The following GRIP1 variants were observed in gnomAD, a reference collection of about 807,000 sequenced individuals.
GRIP1 encodes the protein glutamate receptor-interacting protein 1.
GRIP1 carries 45 observed loss-of-function variants against 129.9 expected under a neutral mutation model. That is an observed-to-expected ratio of 0.35 (90% CI 0.27 to 0.44). GRIP1 has a LOEUF of 0.44. GRIP1 is among the 20% of genes least tolerant of loss of function. The probability of loss-of-function intolerance (pLI) is 1.00; values close to 1 mark genes in which losing one functional copy is unlikely to be tolerated. For missense variants in GRIP1, 1,196 were observed against 1,396.8 expected (o/e 0.86, Z 2.29); for synonymous variants, 530 against 520.8 (o/e 1.02, Z -0.24).
At position 66,571,730 on chromosome 12, in the gene GRIP1, C is replaced by T. The variant is rs139354187; in HGVS notation, c.136+25117G>A. On this transcript the variant is annotated intron_variant, in intron 2 of 24. Transcript: ENST00000359742. Reference sequence around the variant, plus strand: ...AATAGAAAAGTGCAGAAGCAATTAACACCTTAATACTCTACTGGGAAATTG... The same window carrying T: ...AATAGAAAAGTGCAGAAGCAATTAATACCTTAATACTCTACTGGGAAATTG... 1.1e-4 allele frequency among the ~76,000 whole-genome samples: 17 copies of T among 152,300 alleles called. No individual in the cohort carries two copies. The East Asian group carries it at 2.3e-3, about 21-fold the overall frequency.
chr12:66,421,265 C>T (rs1032693008), intron 14 of GRIP1, among the ~76,000 whole-genome samples: 5 of 151,886 alleles, frequency 3.3e-5, no homozygotes, highest in Non-Finnish European at 5.9e-5. Context: ...TTTTTTTGGC[C>T]AGGCACAGTG....
chr12:66,574,787 C>CTT (rs34596150), intron 2 of GRIP1, among the ~76,000 whole-genome samples: 1 of 110,558 alleles, frequency 9.0e-6, no homozygotes, highest in Admixed American at 9.5e-5. Context: ...TCCCACTTTT[C>CTT]TTTTTTTTTT....
chr12:66,664,371 C>T (rs2033677590), intron 1 of GRIP1, among the ~76,000 whole-genome samples: 1 of 152,156 alleles, frequency 6.6e-6, no homozygotes, highest in African/African-American at 2.4e-5. Context: ...TTTTGCCACA[C>T]CATAATTATA....
chr12:66,939,971 T>C (rs1290429154), intron 1 of GRIP1, among the ~76,000 whole-genome samples: 2 of 152,232 alleles, frequency 1.3e-5, no homozygotes, highest in Non-Finnish European at 2.9e-5. Flanking sequence ...GTTTTCTTGA[T>C]ATCTTTCAAA....
intron 1 of GRIP1, among the ~76,000 whole-genome samples, chr12:66,981,760 AG>A (rs1219851303): frequency 6.6e-6 from 1 of 152,246 alleles, no homozygotes; most frequent in Admixed American, 6.5e-5. Context: ...CAATTGGTGT[AG>A]GTATTCCAAC....
chr12:66,616,976 A>T (rs1271440880), intron 1 of GRIP1, among the ~76,000 whole-genome samples: 2 of 152,040 alleles, frequency 1.3e-5, no homozygotes, highest in Non-Finnish European at 2.9e-5. Flanking sequence ...GGGCGTGCAG[A>T]TGCATGCTCT....
chr12:66,465,449 A>C (rs1204230414), intron 7 of GRIP1, 27 bp from the exon 8 acceptor site: 1 of 1,542,928 alleles, frequency 6.5e-7, no homozygotes, highest in Non-Finnish European at 9.0e-7. Flanking sequence ...TTTAGAAAAC[A>C]AAACAAATAA....
chr12:67,003,153 A>G (rs1267501252), intron 1 of GRIP1, among the ~76,000 whole-genome samples: 1 of 152,182 alleles, frequency 6.6e-6, no homozygotes, highest in Non-Finnish European at 1.5e-5. Context: ...AGTAATTTAT[A>G]TTAATGTATC....
At chr12:66,663,590 T>C (rs1369670639) in intron 1 of GRIP1, among the ~76,000 whole-genome samples, 1 of 152,050 alleles carries the variant, frequency 6.6e-6, no homozygotes, top group Admixed American at 6.6e-5. Flanking sequence ...GTGGGGTGGG[T>C]GAAGGAGTCC....
At chr12:66,770,592 G>C (rs1336525179) in intron 1 of GRIP1, among the ~76,000 whole-genome samples, 2 of 152,104 alleles carry the variant, frequency 1.3e-5, no homozygotes, top group African/African-American at 4.8e-5. Flanking sequence ...AATGTTAGAG[G>C]CCCGTAAAGT....
intron 1 of GRIP1, among the ~76,000 whole-genome samples, chr12:66,691,574 G>C (rs11176382): frequency 6.6e-6 from 1 of 151,888 alleles, no homozygotes; most frequent in Non-Finnish European, 1.5e-5. Context: ...CCTGGAATTC[G>C]ACAATGCTCC....
intron 1 of GRIP1, among the ~76,000 whole-genome samples, chr12:66,950,360 A>G (rs762078918): frequency 1.3e-5 from 2 of 152,226 alleles, no homozygotes; most frequent in Non-Finnish European, 2.9e-5. Flanking sequence ...TATATTCTAA[A>G]TAAGTATTCT....
intron 2 of GRIP1, among the ~76,000 whole-genome samples, chr12:66,586,688 T>G (rs760705383): frequency 1.3e-5 from 2 of 152,206 alleles, no homozygotes; most frequent in Non-Finnish European, 2.9e-5. Context: ...CCTGGAATTA[T>G]CCCAGACTTC....
intron 1 of GRIP1, among the ~76,000 whole-genome samples, chr12:67,023,139 T>A (rs560270914): frequency 1.3e-5 from 2 of 152,314 alleles, no homozygotes; most frequent in South Asian, 2.1e-4. Flanking sequence ...GTTGAGAAAG[T>A]CTAATTCATT....
chr12:66,952,333 T>C (rs1377382175), intron 1 of GRIP1, among the ~76,000 whole-genome samples: 1 of 152,148 alleles, frequency 6.6e-6, no homozygotes, highest in Non-Finnish European at 1.5e-5. Context: ...AAAGTATTCT[T>C]TGGATCTTAT....
intron 1 of GRIP1, among the ~76,000 whole-genome samples, chr12:66,759,386 G>C (rs756262259): frequency 6.6e-6 from 1 of 152,078 alleles, no homozygotes; most frequent in African/African-American, 2.4e-5. Context: ...CTTTTTCCTC[G>C]TGGGCCTCTG....
At chr12:66,567,727 A>G in intron 2 of GRIP1, 1 of 219,698 alleles carries the variant, frequency 4.6e-6, no homozygotes, top group East Asian at 1.1e-4. Flanking sequence ...CCTTCAGTTG[A>G]GCAGAAGGCT....
intron 1 of GRIP1, among the ~76,000 whole-genome samples, chr12:66,713,121 T>C (rs546035896): frequency 9.9e-5 from 15 of 152,146 alleles, no homozygotes; most frequent in Non-Finnish European, 1.8e-4. Context: ...TAAAATAACC[T>C]AATATCCTTC....
chr12:66,635,838 A>G (rs1449410461), intron 1 of GRIP1, among the ~76,000 whole-genome samples: 1 of 152,220 alleles, frequency 6.6e-6, no homozygotes, highest in Non-Finnish European at 1.5e-5. Context: ...GTAACGACCA[A>G]TAAAAGTAAG....
Sources: allele counts gnomAD v4.1 joint callset (sites outside exome capture counted in the v4.1 genomes callset), GRCh38; gene constraint gnomAD v4.1.1; transcripts MANE v1.5; gene names NCBI Gene and HGNC (gene_info 2026-07-23, HGNC 2026-07-21).